Variants in BCL2L13 observed in about 807,000 individuals in gnomAD.
The protein encoded by BCL2L13 is bcl-2-like protein 13.
BCL2L13 carries 13 observed loss-of-function variants against 25.8 expected under a neutral mutation model. The ratio of observed to expected loss-of-function variants is 0.50; its 90% CI spans 0.33 to 0.80. The LOEUF (loss-of-function observed/expected upper bound fraction) is 0.80. Among genes scored for constraint, BCL2L13 ranks in the 30% least tolerant of loss-of-function variants. BCL2L13 has a pLI of 0.02. For synonymous variants in BCL2L13, 244 were observed against 230.3 expected, an observed-to-expected ratio of 1.06 and a Z score of -0.54; for missense variants, 504 against 574.9, an observed-to-expected ratio of 0.88 and a Z score of 1.26.
chr22:17,664,514 C>T (rs1043095524), intron 2 of BCL2L13, among the ~76,000 whole-genome samples: 8 of 152,156 alleles, frequency 5.3e-5, no homozygotes, highest in East Asian at 1.9e-4. Flanking sequence ...TGGGGTCTGG[C>T]GAACAGTGGC....
intron 2 of BCL2L13, among the ~76,000 whole-genome samples, chr22:17,663,520 A>G (rs1473574261): frequency 6.6e-6 from 1 of 152,112 alleles, no homozygotes; most frequent in Non-Finnish European, 1.5e-5. Context: ...ATTGTTTTCT[A>G]ATCTTTATCA....
At chr22:17,723,339 C>T (rs1226999814) in intron 6 of BCL2L13, among the ~76,000 whole-genome samples, 1 of 152,178 alleles carries the variant, frequency 6.6e-6, no homozygotes, top group East Asian at 1.9e-4. Context: ...TTGTATACTG[C>T]AGTACTGTAA....
At chr22:17,660,967 C>T (rs1485939935) in intron 2 of BCL2L13, among the ~76,000 whole-genome samples, 2 of 140,414 alleles carry the variant, frequency 1.4e-5, no homozygotes, top group East Asian at 2.0e-4. Flanking sequence ...TTAGTAGAGA[C>T]GGGGCTTCAC....
intron 2 of BCL2L13, among the ~76,000 whole-genome samples, chr22:17,657,823 CTTTTTTTTTT>C (rs71201859): frequency 1.2e-5 from 1 of 85,772 alleles, no homozygotes; most frequent in Non-Finnish European, 2.1e-5. Context: ...GTTGACATTT[CTTTTTTTTTT>C]TTTTTTTTTT....
intron 2 of BCL2L13, among the ~76,000 whole-genome samples, chr22:17,668,096 C>T (rs936759400): frequency 4.6e-5 from 7 of 151,098 alleles, no homozygotes; most frequent in African/African-American, 1.7e-4. Flanking sequence ...TTGTAACCTC[C>T]GTCTCCCAGC....
At position 17,727,468 on chromosome 22, in the gene BCL2L13, A is replaced by G. The variant is rs377097453; in HGVS notation, c.1392A>G (p.Gly464=). ...AGGGCAAGTCTATACTGCTGTTTGG[A>G]GGGGCTGCTGCTGTTGCCATCCTGG... The part of the protein sequence containing the change: ...LSEGKSILLF[G]GAAAVAILAV... Residue 464 remains glycine (G), a synonymous_variant, in exon 7 of 7, where the codon GGA becomes GGG. Transcript: ENST00000317582. The G allele has an allele frequency of 1.4e-5, 23 of 1,614,186 alleles. No homozygotes were observed. In the African/African-American group the frequency reaches 2.8e-4, roughly 20 times the overall value.
intron 6 of BCL2L13, among the ~76,000 whole-genome samples, chr22:17,725,030 A>G (rs1377634089): frequency 6.6e-6 from 1 of 152,238 alleles, no homozygotes; most frequent in African/African-American, 2.4e-5. Flanking sequence ...CCTGATAAGC[A>G]GTAGGCACAC....
chr22:17,681,576 A>C (rs746410379), intron 2 of BCL2L13, among the ~76,000 whole-genome samples: 2 of 152,072 alleles, frequency 1.3e-5, no homozygotes, highest in Admixed American at 6.6e-5. Flanking sequence ...GAGAGGGTCC[A>C]TGAATGCCCT....
At chr22:17,706,335 T>G (rs1013765082) in intron 6 of BCL2L13, among the ~76,000 whole-genome samples, 1 of 152,042 alleles carries the variant, frequency 6.6e-6, no homozygotes, top group East Asian at 1.9e-4. Flanking sequence ...CCTTGTTTTT[T>G]TTTTTTTTTC....
chr22:17,630,224 AC>A (rs66551049), intron 1 of BCL2L13, among the ~76,000 whole-genome samples: 17,042 of 124,540 alleles, frequency 0.14, 1,567 homozygotes, highest in Non-Finnish European at 0.16. Flanking sequence ...TCTCAAAAAA[AC>A]AAAAAAAAAA....
At chr22:17,704,444 A>G (rs1040250229) in intron 6 of BCL2L13, among the ~76,000 whole-genome samples, 1 of 151,962 alleles carries the variant, frequency 6.6e-6, no homozygotes, top group African/African-American at 2.4e-5. Context: ...TGTATTTCAC[A>G]TTGTTCGGTC....
At chr22:17,681,752 T>G (rs999330777) in intron 2 of BCL2L13, among the ~76,000 whole-genome samples, 3 of 152,104 alleles carry the variant, frequency 2.0e-5, no homozygotes, top group African/African-American at 7.2e-5. Flanking sequence ...AGTCCATGCT[T>G]GCAAGAATGG....
intron 1 of BCL2L13, 43 bp downstream of exon 1, chr22:17,638,929 G>C: frequency 8.2e-7 from 1 of 1,226,654 alleles, no homozygotes; most frequent in Non-Finnish European, 1.0e-6. Flanking sequence ...TGGGTGAGGA[G>C]GTGGTTTTCA....
At chr22:17,714,853 T>A (rs1220659063) in intron 6 of BCL2L13, among the ~76,000 whole-genome samples, 1 of 151,784 alleles carries the variant, frequency 6.6e-6, no homozygotes, top group Non-Finnish European at 1.5e-5. Flanking sequence ...CACGTTATGT[T>A]GCACATAAAG....
chr22:17,710,067 TAAA>T (rs71201876), intron 6 of BCL2L13, among the ~76,000 whole-genome samples: 4 of 91,804 alleles, frequency 4.4e-5, no homozygotes, highest in African/African-American at 1.0e-4. Context: ...GACCTTGTCT[TAAA>T]AAAAAAAAAA....
chr22:17,693,372 G>GTTTGGTTTTTTTTTTTTTT (rs1284865411), intron 4 of BCL2L13, among the ~76,000 whole-genome samples: 1 of 70,612 alleles, frequency 1.4e-5, no homozygotes, highest in African/African-American at 5.2e-5. Context: ...TTTAGTGTTT[G>GTTTGGTTTTTTTTTTTTTT]TTTTTTTTTT....
intron 2 of BCL2L13, among the ~76,000 whole-genome samples, chr22:17,658,518 C>T (rs1360558762): frequency 1.3e-5 from 2 of 151,688 alleles, no homozygotes; most frequent in African/African-American, 4.8e-5. Context: ...CATGATGAAA[C>T]CCTGTCTCTG....
chr22:17,655,138 T>A (rs901010352), intron 1 of BCL2L13, among the ~76,000 whole-genome samples: 1 of 151,944 alleles, frequency 6.6e-6, no homozygotes, highest in Non-Finnish European at 1.5e-5. Flanking sequence ...AGCCCAGGCC[T>A]ACACAGAGTC....
Position 17,648,603 on chromosome 22 carries a change from C to A in BCL2L13, c.-50-7059C>A, listed in dbSNP as rs138986033. Among the ~76,000 whole-genome samples, 975 of 151,582 alleles carry A rather than the reference C, an allele frequency of 6.4e-3. 8 individuals are homozygous for A. Among genetic ancestry groups the A allele is most frequent in the African/African-American group, 0.022 (891 of 41,328 alleles). ...TACTGTAGGTCTGTTATGTTTATAACCAGAATAACAAATATGCATTTAAAG... is the reference window on the plus strand; with the variant it reads ...TACTGTAGGTCTGTTATGTTTATAAACAGAATAACAAATATGCATTTAAAG... On this transcript the variant is annotated intron_variant, in intron 1 of 6. Coordinates refer to ENST00000317582, the MANE Select transcript of BCL2L13 (RefSeq NM_015367.4).
Sources: allele counts gnomAD v4.1 joint callset (sites outside exome capture counted in the v4.1 genomes callset), GRCh38; gene constraint gnomAD v4.1.1; transcripts MANE v1.5; gene names NCBI Gene and HGNC (gene_info 2026-07-23, HGNC 2026-07-21).